The following PDXDC1 variants were observed in gnomAD, a reference collection of about 807,000 sequenced individuals.
The protein encoded by PDXDC1 is pyridoxal dependent decarboxylase domain containing 1.
PDXDC1 carries 42 observed loss-of-function variants against 100.1 expected under a neutral mutation model. The ratio of observed to expected loss-of-function variants is 0.42; its 90% confidence interval spans 0.33 to 0.54. PDXDC1 has a LOEUF of 0.54. PDXDC1 is among the 20% of genes least tolerant of loss of function. PDXDC1 has a pLI of 0.10. For missense variants in PDXDC1, 636 were observed against 979.2 expected (o/e 0.65, Z 4.68); for synonymous variants, 260 against 371.7 (o/e 0.70, Z 3.46).
downstream of PDXDC1, among the ~76,000 whole-genome samples, chr16:15,143,887 G>A (rs186347155): frequency 8.8e-4 from 134 of 152,330 alleles, 2 homozygotes; most frequent in East Asian, 0.021. Flanking sequence ...AGAAACATCT[G>A]CACATTCCAG....
chr16:15,015,205 T>G (rs1230392553), intron 8 of PDXDC1, among the ~76,000 whole-genome samples: 1 of 152,246 alleles, frequency 6.6e-6, no homozygotes, highest in Non-Finnish European at 1.5e-5. Flanking sequence ...CCTCCCAGAG[T>G]GCTGGGATTA....
intron 16 of PDXDC1, chr16:15,061,135 G>T (rs1040016307): frequency 1.3e-5 from 2 of 152,216 alleles, no homozygotes; most frequent in Non-Finnish European, 2.9e-5. Flanking sequence ...AGTCCCTGGA[G>T]ATCTTCAGTG....
intron 16 of PDXDC1, among the ~76,000 whole-genome samples, chr16:15,046,225 A>G (rs1033115432): frequency 3.3e-5 from 5 of 152,256 alleles, no homozygotes; most frequent in African/African-American, 9.6e-5. Context: ...AGAATCGACC[A>G]GTATTGACTA....
At chr16:15,091,279 A>G (rs780748449) in intron 16 of PDXDC1, 7 of 1,604,320 alleles carry the variant, frequency 4.4e-6, no homozygotes, top group Non-Finnish European at 6.0e-6. Context: ...TACAGTGGCA[A>G]TAATTTTGCT....
At chr16:15,111,506 T>G (rs1442402474) in intron 16 of PDXDC1, among the ~76,000 whole-genome samples, 1 of 144,722 alleles carries the variant, frequency 6.9e-6, no homozygotes, top group Non-Finnish European at 1.5e-5. Flanking sequence ...ACGCCTGTAA[T>G]CCTAGCACTT....
At chr16:15,072,831 A>C in intron 16 of PDXDC1, 1 of 986,302 alleles carries the variant, frequency 1.0e-6, no homozygotes, top group Non-Finnish European at 1.5e-6. Flanking sequence ...GCAGACTAGC[A>C]AGTAAGCTCA....
At position 15,055,938 on chromosome 16, in the gene PDXDC1, G is replaced by A. The variant is rs968441723; in HGVS notation, c.1399+25882G>A. ...ACGAGGTCCCCGGCTGACTGCGGCA[G>A]CCGCACTCGCCGCCCCTCGACGAGC... is the stretch of plus-strand genomic sequence containing the variant. On this transcript the variant is annotated intron_variant, in intron 16 of 16. Transcript: ENST00000535621. The A allele has an allele frequency of 4.9e-6, 6 of 1,231,946 alleles. No homozygotes were observed. The African/African-American group carries it at 7.8e-5, about 16-fold the overall frequency. 76.3% of individuals were successfully genotyped at this position (1,231,946 alleles called of 1,614,324 possible).
At position 15,070,325 on chromosome 16, in the gene PDXDC1, C is replaced by G. The variant is rs547182358; in HGVS notation, c.1399+40269C>G. ...ACCAGAATAACATAAAAACACACAACTGCCTTTCATTACAAACCATGCTAA... is the reference window on the plus strand; with the variant it reads ...ACCAGAATAACATAAAAACACACAAGTGCCTTTCATTACAAACCATGCTAA... On this transcript the variant is annotated intron_variant, in intron 16 of 16. Coordinates refer to the PDXDC1 transcript ENST00000535621. 12 of 1,548,010 alleles carry G rather than the reference C, an allele frequency of 7.8e-6. 1 individual carries two copies. In the Admixed American group the frequency reaches 2.0e-4, roughly 26 times the overall value.
intron 12 of PDXDC1, among the ~76,000 whole-genome samples, chr16:15,021,785 C>CA: frequency 1.3e-5 from 2 of 152,410 alleles, no homozygotes; most frequent in African/African-American, 4.8e-5. Flanking sequence ...GTGGAGCATA[C>CA]ATTTCCTGAG....
rs537683681 is a variant in PDXDC1, at chr16:15,135,685, C to T, written c.1400-3194C>T. The T allele has an allele frequency of 2.3e-4, 374 of 1,593,518 alleles. 2 individuals are homozygous for T. The highest frequency in any genetic ancestry group is 1.3e-4 in the Non-Finnish European group (148 of 1,167,740). ...CCACACAGGCCCACTGGAAACTGAG[C>T]GGCGTCTGGTCGCCATCCTCCAGGT... On this transcript the variant is annotated intron_variant, in intron 16 of 16. Coordinates refer to the PDXDC1 transcript ENST00000535621.
chr16:15,020,780 TTG>T (rs1268112244), intron 12 of PDXDC1, among the ~76,000 whole-genome samples: 6 of 151,892 alleles, frequency 4.0e-5, no homozygotes, highest in African/African-American at 1.5e-4. Context: ...GGTCAGGAGT[TTG>T]AGACCGGCCT....
intron 16 of PDXDC1, among the ~76,000 whole-genome samples, chr16:15,072,783 A>C (rs1308919214): frequency 6.6e-6 from 1 of 152,192 alleles, no homozygotes; most frequent in Non-Finnish European, 1.5e-5. Context: ...AGAAAGGAAA[A>C]GAAAACAAAA....
chr16:15,130,632 C>CA (rs1433448915), intron 16 of PDXDC1: 1 of 1,352,406 alleles, frequency 7.4e-7, no homozygotes, highest in Non-Finnish European at 1.1e-6. Flanking sequence ...CCGCAGAGCT[C>CA]ACCCCGGGGA....
At chr16:15,116,506 C>A in intron 16 of PDXDC1, among the ~76,000 whole-genome samples, 1 of 126,130 alleles carries the variant, frequency 7.9e-6, no homozygotes. Context: ...AAAAAAATTA[C>A]CAAGGTGGAG....
At chr16:14,990,176 G>C in intron 1 of PDXDC1, 1 of 1,290,152 alleles carries the variant, frequency 7.8e-7, no homozygotes, top group African/African-American at 1.6e-5. Context: ...CGCCAGGCGC[G>C]GGCAAGGGCG....
chr16:15,101,560 T>G (rs1045738450), intron 16 of PDXDC1, among the ~76,000 whole-genome samples: 2 of 151,008 alleles, frequency 1.3e-5, no homozygotes, highest in African/African-American at 4.9e-5. Context: ...AAACCCTGTC[T>G]CTACTAAAAA....
chr16:15,059,641 A>C (rs1416923549), intron 16 of PDXDC1, among the ~76,000 whole-genome samples: 3 of 152,214 alleles, frequency 2.0e-5, no homozygotes, highest in African/African-American at 4.8e-5. Flanking sequence ...AGACAAAAGG[A>C]CAGACCCTGG....
intron 16 of PDXDC1, chr16:15,133,789 A>G: frequency 6.3e-7 from 1 of 1,587,278 alleles, no homozygotes; most frequent in Non-Finnish European, 8.6e-7. Context: ...GCAGGCCTGT[A>G]CTCACCCGTG....
Position 15,128,782 on chromosome 16 carries a change from C to T in PDXDC1, c.1400-10097C>T, listed in dbSNP as rs1170894674. ...AGCGTGAAGCTGTGTCACCTCCTCTCCCAGTGACAGACCCAGGTGACAGTA... is the reference window on the plus strand; with the variant it reads ...AGCGTGAAGCTGTGTCACCTCCTCTTCCAGTGACAGACCCAGGTGACAGTA... On this transcript the variant is annotated intron_variant, in intron 16 of 16. Transcript: ENST00000535621. Among the ~76,000 whole-genome samples the T allele has an allele frequency of 4.6e-5, 7 of 152,074 alleles. No homozygotes were observed. The East Asian group carries it at 7.8e-4, about 17-fold the overall frequency.
Sources: gnomAD v4.1 joint callset for allele counts (sites outside exome capture counted in the v4.1 genomes callset) on GRCh38, gnomAD v4.1.1 for gene constraint, MANE v1.5 for transcripts, NCBI Gene and HGNC (gene_info 2026-07-23, HGNC 2026-07-21) for gene names.